Variants in R3HDM2 observed in about 807,000 individuals in gnomAD.
R3HDM2 encodes R3H domain containing 2, also known as R3H domain-containing protein 2.
R3HDM2 carries 38 observed loss-of-function variants against 124.5 expected under a neutral mutation model. The observed-to-expected ratio is 0.31, with a 90% CI of 0.24 to 0.40. The LOEUF (loss-of-function observed/expected upper bound fraction) is 0.40, where lower values mean the gene tolerates loss of function less well. R3HDM2 is among the 10% of genes least tolerant of loss of function. The pLI is 1.00. For missense variants in R3HDM2, 869 were observed against 1,236.9 expected, an observed-to-expected ratio of 0.70 and a Z score of 4.46; for synonymous variants, 391 against 448.0, an observed-to-expected ratio of 0.87 and a Z score of 1.61.
chr12:57,344,339 A>C (rs917826603), intron 2 of R3HDM2, among the ~76,000 whole-genome samples: 2 of 152,230 alleles, frequency 1.3e-5, no homozygotes, highest in Non-Finnish European at 2.9e-5. Context: ...GAACACAACC[A>C]GGTTGAATGT....
Position 57,283,868 on chromosome 12 carries a change from A to T in R3HDM2, c.1127T>A (p.Ile376Asn), listed in dbSNP as rs1216952873. 3 of 1,614,100 alleles carry T rather than the reference A, an allele frequency of 1.9e-6. No individual in the cohort carries two copies. The highest frequency in any genetic ancestry group is 2.5e-6 in the Non-Finnish European group (3 of 1,180,040). Residue 376 changes from isoleucine (I) to asparagine (N), a missense_variant, in exon 13 of 24, where the codon ATC (isoleucine) becomes AAC (asparagine). Transcript: ENST00000402412. Reference protein sequence around the residue: ...GISILTRGDSIGSSKGGSAGR... With the variant: ...GISILTRGDSNGSSKGGSAGR... ...CGCACTGCCGCCTTTACTGCTGCCG[A>T]TGCTGTCACCTCGGGTAAGGATAGA...
chr12:57,259,132 G>C, intron 19 of R3HDM2, 73 bp from the exon 20 acceptor site: 1 of 1,498,120 alleles, frequency 6.7e-7, no homozygotes. Flanking sequence ...CCCTGAGTGG[G>C]AAAGCAGCAA....
At chr12:57,355,294 A>G (rs1274685069) in intron 2 of R3HDM2, among the ~76,000 whole-genome samples, 1 of 151,082 alleles carries the variant, frequency 6.6e-6, no homozygotes, top group East Asian at 2.0e-4. Context: ...CGTCTCTACT[A>G]AAAATACAAA....
chr12:57,361,442 T>G (rs976027998), intron 2 of R3HDM2, among the ~76,000 whole-genome samples: 4 of 150,836 alleles, frequency 2.7e-5, no homozygotes, highest in Non-Finnish European at 5.9e-5. Flanking sequence ...TCCCTACACT[T>G]TGGGAAACTG....
chr12:57,291,752 T>C (rs1351801840), intron 11 of R3HDM2, among the ~76,000 whole-genome samples: 1 of 152,126 alleles, frequency 6.6e-6, no homozygotes, highest in African/African-American at 2.4e-5. Context: ...TTGTTACTCA[T>C]GTGATTGTGA....
intron 2 of R3HDM2, among the ~76,000 whole-genome samples, chr12:57,335,704 G>C (rs538188557): frequency 2.8e-5 from 4 of 144,114 alleles, no homozygotes; most frequent in Non-Finnish European, 6.1e-5. Flanking sequence ...GTTCTTATTA[G>C]GTTGCCCAGG....
At position 57,269,394 on chromosome 12, in the gene R3HDM2, C is replaced by T. The variant is rs762584623; in HGVS notation, c.1643G>A (p.Arg548Gln). ...GQYPNSNQQY[R>Q]PLSHPVAYSP... is the part of the protein sequence containing the mutation. ...ATAGGCCACCGGGTGAGAGAGAGGT[C>T]GATATTGCTGGTTGGAGTTAGGATA... is the stretch of plus-strand genomic sequence containing the variant. The change falls in exon 16 of 24, where the codon CGA becomes CAA. Residue 548 changes from arginine (R) to glutamine (Q), a missense_variant. By Grantham distance (43) the Arg-to-Gln change is conservative (BLOSUM62 1). This residue lies in a region of R3HDM2 where 602 missense variants were observed against 789.2 expected (regional missense o/e 0.76). Coordinates refer to ENST00000402412, the MANE Select transcript of R3HDM2 (RefSeq NM_001394031.1). 1.9e-5 allele frequency: 31 copies of T among 1,613,954 alleles called. No individual in the cohort carries two copies. In the East Asian group the frequency reaches 5.6e-4, roughly 29 times the overall value.
At chr12:57,325,296 A>C (rs2057146952) in intron 2 of R3HDM2, among the ~76,000 whole-genome samples, 1 of 151,958 alleles carries the variant, frequency 6.6e-6, no homozygotes, top group Non-Finnish European at 1.5e-5. Flanking sequence ...GGCACATACC[A>C]CCATGCTTGG....
At chr12:57,350,241 A>G (rs2060541872) in intron 2 of R3HDM2, among the ~76,000 whole-genome samples, 1 of 152,056 alleles carries the variant, frequency 6.6e-6, no homozygotes, top group Non-Finnish European at 1.5e-5. Context: ...ATAAAATAAA[A>G]TACATTAAAC....
intron 11 of R3HDM2, among the ~76,000 whole-genome samples, 154 bp from the exon 12 acceptor site, chr12:57,289,194 C>T (rs551783597): frequency 2.6e-5 from 4 of 152,266 alleles, no homozygotes; most frequent in South Asian, 4.1e-4. Context: ...ATGACCCATA[C>T]CCGCATACCC....
chr12:57,270,076 C>A, intron 14 of R3HDM2, 82 bp from the exon 15 acceptor site: 2 of 1,521,084 alleles, frequency 1.3e-6, no homozygotes. Flanking sequence ...AGAGAAATAG[C>A]AATGCTTTTT....
intron 2 of R3HDM2, among the ~76,000 whole-genome samples, chr12:57,384,642 G>T (rs2065432357): frequency 6.6e-6 from 1 of 152,162 alleles, no homozygotes; most frequent in Non-Finnish European, 1.5e-5. Flanking sequence ...ATGGAGAAAT[G>T]AATGGCTTGA....
chr12:57,409,120 C>G (rs1566503683), intron 1 of R3HDM2, among the ~76,000 whole-genome samples: 1 of 152,064 alleles, frequency 6.6e-6, no homozygotes, highest in South Asian at 2.1e-4. Context: ...TTAACACACA[C>G]AAACCCTAAA....
intron 1 of R3HDM2, among the ~76,000 whole-genome samples, chr12:57,425,220 C>T (rs970736044): frequency 1.3e-5 from 2 of 150,558 alleles, no homozygotes; most frequent in African/African-American, 4.9e-5. Context: ...TGCGGTGAGC[C>T]GAGATCGTGC....
chr12:57,395,360 C>T (rs1286848452), intron 2 of R3HDM2, among the ~76,000 whole-genome samples: 3 of 119,228 alleles, frequency 2.5e-5, no homozygotes, highest in South Asian at 3.1e-4. Context: ...CAAAACTAGC[C>T]GGGCGTGGTG....
intron 2 of R3HDM2, among the ~76,000 whole-genome samples, chr12:57,318,126 C>T (rs975307110): frequency 2.6e-5 from 4 of 151,216 alleles, no homozygotes; most frequent in African/African-American, 9.7e-5. Flanking sequence ...CCCATCTCTA[C>T]TAAAAATACA....
intron 14 of R3HDM2, among the ~76,000 whole-genome samples, chr12:57,277,971 A>G (rs1253592270): frequency 1.3e-5 from 2 of 152,196 alleles, no homozygotes; most frequent in Non-Finnish European, 2.9e-5. Flanking sequence ...GAAGAGGAAT[A>G]AAAAAATAAA....
At chr12:57,269,215 C>A in intron 16 of R3HDM2, 108 bp downstream of exon 16, 1 of 1,549,500 alleles carries the variant, frequency 6.5e-7, no homozygotes, top group South Asian at 1.2e-5. Context: ...GGACCCTAAT[C>A]ATTCCTGCCC....
chr12:57,420,656 T>G (rs2070104593), intron 1 of R3HDM2, among the ~76,000 whole-genome samples: 1 of 151,874 alleles, frequency 6.6e-6, no homozygotes, highest in Admixed American at 6.6e-5. Context: ...CGCCCAGGCT[T>G]TACTAGTTTT....
Sources: gnomAD v4.1 joint callset for allele counts (sites outside exome capture counted in the v4.1 genomes callset) on GRCh38, gnomAD v4.1.1 for gene constraint, gnomAD v4.1.1 regional missense constraint, MANE v1.5 for transcripts, NCBI Gene and HGNC (gene_info 2026-07-23, HGNC 2026-07-21) for gene names.